The following DIP2C variants were observed in gnomAD, a reference collection of about 807,000 sequenced individuals.
DIP2C encodes the protein disco-interacting protein 2 homolog C.
DIP2C carries 33 observed loss-of-function variants against 192.4 expected under a neutral mutation model. That is an observed-to-expected ratio of 0.17 (90% confidence interval 0.13 to 0.23). The LOEUF (loss-of-function observed/expected upper bound fraction) is 0.23. Among genes scored for constraint, DIP2C ranks in the 10% least tolerant of loss-of-function variants. The pLI is 1.00. For synonymous variants in DIP2C, 979 were observed against 864.1 expected (o/e 1.13, Z -2.33); for missense variants, 1,537 against 2,110.1 (o/e 0.73, Z 5.32).
intron 1 of DIP2C, among the ~76,000 whole-genome samples, chr10:490,376 C>G (rs966070286): frequency 1.3e-5 from 2 of 152,268 alleles, no homozygotes; most frequent in African/African-American, 4.8e-5. Context: ...CCCCACGTTT[C>G]TAAGCTGGGG....
intron 31 of DIP2C, among the ~76,000 whole-genome samples, chr10:323,892 G>C (rs1471101941): frequency 6.6e-6 from 1 of 152,170 alleles, no homozygotes; most frequent in East Asian, 1.9e-4. Flanking sequence ...TTCTGCCGCT[G>C]GATCCTGGGC....
chr10:302,576 A>G (rs1564526428), intron 32 of DIP2C, among the ~76,000 whole-genome samples: 1 of 152,172 alleles, frequency 6.6e-6, no homozygotes, highest in Non-Finnish European at 1.5e-5. Flanking sequence ...CTGAGAAATG[A>G]GCTGTCAGTC....
In DIP2C at chr10:423,155, A is replaced by G. The variant is rs572247577; in HGVS notation, c.395-122T>C. On this transcript the variant is annotated intron_variant, in intron 4 of 36. Coordinates refer to ENST00000280886, the MANE Select transcript of DIP2C (RefSeq NM_014974.3). ...TCAATAGTTGTTCAATGACTTTTTG[A>G]TACACTCTTGAGAAGTTAAACCACG... 78 of 953,500 alleles carry G rather than the reference A, an allele frequency of 8.2e-5. 3 individuals are homozygous for G. The Admixed American group carries it at 2.0e-3, about 24-fold the overall frequency. 59.1% of individuals were successfully genotyped at this position (953,500 alleles called of 1,614,324 possible). A position where few individuals can be genotyped will look rare whatever the true frequency, so the allele number is the denominator to read the frequency against.
At chr10:612,846 A>C (rs1853191740) in intron 1 of DIP2C, among the ~76,000 whole-genome samples, 1 of 152,242 alleles carries the variant, frequency 6.6e-6, no homozygotes, top group Non-Finnish European at 1.5e-5. Context: ...GAAAGTCAAG[A>C]AGTGTCAGGT....
At chr10:683,528 T>A (rs962702394) in intron 1 of DIP2C, among the ~76,000 whole-genome samples, 1 of 151,938 alleles carries the variant, frequency 6.6e-6, no homozygotes, top group African/African-American at 2.4e-5. Flanking sequence ...CAAGATAGAG[T>A]GGTCAGAAAC....
intron 1 of DIP2C, among the ~76,000 whole-genome samples, chr10:529,791 A>T (rs1278387075): frequency 6.6e-6 from 1 of 151,506 alleles, no homozygotes; most frequent in Non-Finnish European, 1.5e-5. Flanking sequence ...GCTTGCTTTT[A>T]TTTTTTTAGG....
intron 8 of DIP2C, 24 bp from the exon 9 acceptor site, chr10:409,041 A>G: frequency 3.1e-6 from 5 of 1,611,362 alleles, no homozygotes; most frequent in Non-Finnish European, 3.4e-6. Flanking sequence ...TCACAGACAA[A>G]TGTGCGTATT....
chr10:644,542 G>A (rs1349623815), intron 1 of DIP2C, among the ~76,000 whole-genome samples: 2 of 152,274 alleles, frequency 1.3e-5, no homozygotes, highest in African/African-American at 2.4e-5. Flanking sequence ...CACGGGTTCT[G>A]CCTGACGCCC....
chr10:414,878 GTGTGTGTGTGTGTATA>G (rs1390561286), intron 7 of DIP2C, among the ~76,000 whole-genome samples: 6 of 61,244 alleles, frequency 9.8e-5, no homozygotes, highest in South Asian at 1.6e-3. Context: ...GTGTGTGTGT[GTGTGTGTGTGTGTATA>G]TATATATATA....
At chr10:667,554 A>T (rs1411239532) in intron 1 of DIP2C, 1 of 152,296 alleles carries the variant, frequency 6.6e-6, no homozygotes, top group African/African-American at 2.4e-5. Flanking sequence ...AACACACAAC[A>T]CACACAACAC....
intron 1 of DIP2C, among the ~76,000 whole-genome samples, chr10:643,543 G>A (rs972448359): frequency 2.6e-5 from 4 of 152,132 alleles, no homozygotes; most frequent in Non-Finnish European, 5.9e-5. Context: ...AAACAACACA[G>A]AAGCCCGTGG....
At chr10:520,330 G>T (rs1207954335) in intron 1 of DIP2C, among the ~76,000 whole-genome samples, 1 of 152,174 alleles carries the variant, frequency 6.6e-6, no homozygotes, top group Non-Finnish European at 1.5e-5. Context: ...CTGAAATACA[G>T]CACTTTCCGA....
intron 1 of DIP2C, among the ~76,000 whole-genome samples, chr10:577,400 C>G (rs771800419): frequency 6.6e-6 from 1 of 152,218 alleles, no homozygotes; most frequent in Admixed American, 6.5e-5. Context: ...AGTACCCTTT[C>G]TATGTGGCCG....
intron 1 of DIP2C, among the ~76,000 whole-genome samples, chr10:601,276 A>C (rs1440386377): frequency 1.3e-5 from 2 of 152,216 alleles, no homozygotes; most frequent in Non-Finnish European, 1.5e-5. Flanking sequence ...TCAGGCAAAA[A>C]TTTTAGGAAG....
At chr10:457,689 G>A (rs905756359) in intron 3 of DIP2C, among the ~76,000 whole-genome samples, 1 of 152,128 alleles carries the variant, frequency 6.6e-6, no homozygotes, top group Non-Finnish European at 1.5e-5. Context: ...CTGGGTAGCT[G>A]GGACCACAGG....
intron 1 of DIP2C, among the ~76,000 whole-genome samples, chr10:536,915 C>T (rs968638954): frequency 2.0e-5 from 3 of 152,176 alleles, no homozygotes; most frequent in African/African-American, 7.2e-5. Flanking sequence ...GTTCTTTATT[C>T]TGTTTTTCCC....
rs996574808 is a variant in DIP2C at position 296,866 on chromosome 10, C to G, written c.3987-8445G>C. ...GAACACTTGGACACAGGAAGGGGAA[C>G]ATCACACACTGAGGCCTGTTGTGGG... is the stretch of plus-strand genomic sequence containing the variant. On this transcript the variant is annotated intron_variant, in intron 32 of 36. Coordinates refer to ENST00000280886, the MANE Select transcript of DIP2C (RefSeq NM_014974.3). 2.5e-5 allele frequency among the ~76,000 whole-genome samples: 3 copies of G among 121,016 alleles called. No individual in the cohort carries two copies. In the Admixed American group the frequency reaches 3.5e-4, roughly 14 times the overall value. 79.4% of individuals were successfully genotyped at this position (121,016 alleles called of 152,430 possible). A position where few individuals can be genotyped will look rare whatever the true frequency, so the allele number is the denominator to read the frequency against.
chr10:485,439 C>T (rs938227956), intron 2 of DIP2C, among the ~76,000 whole-genome samples: 3 of 152,220 alleles, frequency 2.0e-5, no homozygotes, highest in African/African-American at 2.4e-5. Flanking sequence ...CGGCGTCTAT[C>T]CCTGACTTAA....
intron 10 of DIP2C, among the ~76,000 whole-genome samples, chr10:397,454 C>T (rs1249320540): frequency 2.0e-5 from 3 of 150,630 alleles, no homozygotes; most frequent in Non-Finnish European, 4.4e-5. Context: ...CGCTTGAACC[C>T]GAGGGGCAGA....
Sources: allele counts gnomAD v4.1 joint callset (sites outside exome capture counted in the v4.1 genomes callset), GRCh38; gene constraint gnomAD v4.1.1; transcripts MANE v1.5; gene names NCBI Gene and HGNC (gene_info 2026-07-23, HGNC 2026-07-21).